Variants in AGBL1 observed in about 807,000 individuals in gnomAD.
AGBL1 encodes AGBL carboxypeptidase 1, also known as cytosolic carboxypeptidase 4.
A neutral mutation model predicts 118.9 loss-of-function variants in AGBL1; 130 were observed. The ratio of observed to expected loss-of-function variants is 1.09; its 90% CI spans 0.95 to 1.26. The LOEUF (loss-of-function observed/expected upper bound fraction) is 1.26. Among genes scored for constraint, AGBL1 ranks in the 50% most tolerant of loss-of-function variants. The pLI is 0.00. For synonymous variants in AGBL1, 555 were observed against 478.9 expected (o/e 1.16, Z -2.08); for missense variants, 1,584 against 1,298.1 (o/e 1.22, Z -3.38).
chr15:86,789,967 C>T (rs1480729814), intron 22 of AGBL1, among the ~76,000 whole-genome samples: 1 of 152,124 alleles, frequency 6.6e-6, no homozygotes, highest in African/African-American at 2.4e-5. Flanking sequence ...ACACTGTCAT[C>T]CTTGATTTCC....
intron 22 of AGBL1, among the ~76,000 whole-genome samples, chr15:86,891,582 A>T (rs937958699): frequency 4.3e-4 from 65 of 151,824 alleles, no homozygotes; most frequent in African/African-American, 1.4e-3. Flanking sequence ...TAATGAGGAA[A>T]AAAAAAAAAA....
chr15:86,890,302 T>C lies in AGBL1; in HGVS notation c.3159-16785T>C, dbSNP rs1488737529. Among the ~76,000 whole-genome samples, 2 of 152,206 alleles carry C rather than the reference T, an allele frequency of 1.3e-5. 1 individual carries two copies. Among genetic ancestry groups the C allele is most frequent in the African/African-American group, 4.8e-5 (2 of 41,452 alleles). ...CTCTGTGTATTAGACATTTGTCAGA[T>C]GGATAGATTGCAAAAATTGTCTCCC... On this transcript the variant is annotated intron_variant, in intron 22 of 22. Coordinates refer to ENST00000614907, the MANE Select transcript of AGBL1 (RefSeq NM_001386094.1).
intron 18 of AGBL1, among the ~76,000 whole-genome samples, chr15:86,434,749 A>G (rs1416351758): frequency 2.6e-5 from 4 of 152,182 alleles, no homozygotes; most frequent in Non-Finnish European, 4.4e-5. Context: ...AGGGAACTAT[A>G]TCTGTAGCAT....
At chr15:86,145,359 G>A (rs994175307) in intron 3 of AGBL1, among the ~76,000 whole-genome samples, 1 of 152,164 alleles carries the variant, frequency 6.6e-6, no homozygotes, top group African/African-American at 2.4e-5. Context: ...GGAAAACCCT[G>A]AAACATTTCC....
intron 1 of AGBL1, among the ~76,000 whole-genome samples, chr15:86,117,534 CA>C (rs1307268387): frequency 6.6e-6 from 1 of 152,064 alleles, no homozygotes; most frequent in East Asian, 1.9e-4. Flanking sequence ...CTAAAGACTC[CA>C]AAGTAAGAAT....
At chr15:86,254,680 G>C (rs1345197764) in intron 7 of AGBL1, among the ~76,000 whole-genome samples, 3 of 152,092 alleles carry the variant, frequency 2.0e-5, no homozygotes, top group Non-Finnish European at 4.4e-5. Flanking sequence ...CTATTTCCTG[G>C]AGTCTTGTCT....
At chr15:86,255,286 TGACCA>T (rs1434200940) in intron 7 of AGBL1, among the ~76,000 whole-genome samples, 1 of 152,212 alleles carries the variant, frequency 6.6e-6, no homozygotes, top group Non-Finnish European at 1.5e-5. Flanking sequence ...TGAGACCATT[TGACCA>T]GACCAAAGGG....
intron 1 of AGBL1, among the ~76,000 whole-genome samples, chr15:86,102,096 A>C (rs1896766346): frequency 6.7e-6 from 1 of 149,172 alleles, no homozygotes. Context: ...GCTGGAGTGC[A>C]GTGGTGTGAT....
chr15:86,144,607 A>G (rs2077008397), intron 3 of AGBL1, among the ~76,000 whole-genome samples: 1 of 152,194 alleles, frequency 6.6e-6, no homozygotes. Context: ...GTGGGAGCTA[A>G]ATGATGAGAA....
intron 22 of AGBL1, among the ~76,000 whole-genome samples, chr15:86,733,306 T>A (rs1207750373): frequency 3.9e-5 from 6 of 152,152 alleles, no homozygotes; most frequent in Admixed American, 6.5e-5. Context: ...AAAAGTTTTC[T>A]CTTCCTCTTC....
chr15:86,662,168 T>C (rs1381128706), intron 21 of AGBL1, among the ~76,000 whole-genome samples: 2 of 152,258 alleles, frequency 1.3e-5, no homozygotes, highest in Non-Finnish European at 2.9e-5. Context: ...GTGGCATTTA[T>C]ATATCCATGT....
rs960663476 is a variant in AGBL1 at position 86,542,121 on chromosome 15, A to C, written c.2686-3881A>C. Among the ~76,000 whole-genome samples the C allele has an allele frequency of 2.6e-5, 4 of 152,210 alleles. No individual in the cohort carries two copies. In the East Asian group the frequency reaches 7.7e-4, roughly 29 times the overall value. On this transcript the variant is annotated intron_variant, in intron 19 of 22. Coordinates refer to ENST00000614907, the MANE Select transcript of AGBL1 (RefSeq NM_001386094.1). ...TGGTTGAATGAATGTTGTGCTCAACAATAGTCTACATTTAGTAAGGTCAAG... is the reference window on the plus strand; with the variant it reads ...TGGTTGAATGAATGTTGTGCTCAACCATAGTCTACATTTAGTAAGGTCAAG...
At chr15:86,946,127 A>G (rs1343238030) in intron 23 of AGBL1, 1 of 152,196 alleles carries the variant, frequency 6.6e-6, no homozygotes, top group Non-Finnish European at 1.5e-5. Flanking sequence ...TCTTTCAAAG[A>G]CAGCAACCTA....
intron 22 of AGBL1, among the ~76,000 whole-genome samples, 163 bp from the exon 23 acceptor site, chr15:86,906,924 C>T (rs1370825191): frequency 6.6e-6 from 1 of 152,156 alleles, no homozygotes; most frequent in African/African-American, 2.4e-5. Context: ...CTCTCCTCTT[C>T]CAACCAATTG....
At chr15:86,661,460 C>T (rs1442102262) in intron 21 of AGBL1, among the ~76,000 whole-genome samples, 2 of 151,868 alleles carry the variant, frequency 1.3e-5, no homozygotes, top group South Asian at 2.1e-4. Context: ...ACAATGGGCT[C>T]TCACAATTAT....
At chr15:86,281,111 C>T (rs192392818) in intron 16 of AGBL1, among the ~76,000 whole-genome samples, 3 of 152,318 alleles carry the variant, frequency 2.0e-5, no homozygotes, top group Admixed American at 1.3e-4. Flanking sequence ...GGGCTGGGCA[C>T]AGTGGCTCAC....
At position 86,931,739 on chromosome 15, in the gene AGBL1, A is replaced by G. The variant is rs554082624; in HGVS notation, c.3222-56248A>G. ...CTTGGGTAGAAATACTCTGAATTCT[A>G]TTTTCCTAGAGTTATTTGCTTCTTA... On this transcript the variant is annotated intron_variant, in intron 23 of 24. Transcript: ENST00000441037. Among the ~76,000 whole-genome samples, 9 of 152,102 alleles carry G rather than the reference A, an allele frequency of 5.9e-5. No homozygotes were observed. In the South Asian group the frequency reaches 1.7e-3, roughly 28 times the overall value.
intron 18 of AGBL1, among the ~76,000 whole-genome samples, chr15:86,508,797 A>T (rs1331996944): frequency 6.6e-6 from 1 of 152,154 alleles, no homozygotes; most frequent in Non-Finnish European, 1.5e-5. Context: ...TATAGTCTAA[A>T]TCTGTAGTTA....
chr15:86,966,184 T>C (rs2081051004), intron 23 of AGBL1, among the ~76,000 whole-genome samples: 1 of 151,828 alleles, frequency 6.6e-6, no homozygotes, highest in South Asian at 2.1e-4. Flanking sequence ...CTCTGTAGTA[T>C]TTTTTAATAT....
Sources: allele counts gnomAD v4.1 joint callset (sites outside exome capture counted in the v4.1 genomes callset), GRCh38; gene constraint gnomAD v4.1.1; transcripts MANE v1.5; gene names NCBI Gene and HGNC (gene_info 2026-07-23, HGNC 2026-07-21).